Variants in ZNF441 observed in about 807,000 individuals in gnomAD.
ZNF441 encodes the protein zinc finger protein 441.
Under a neutral mutation model 64.5 loss-of-function variants are expected in ZNF441, and 25 were observed. The observed-to-expected ratio is 0.39, with a 90% CI of 0.28 to 0.54. The LOEUF (loss-of-function observed/expected upper bound fraction) is 0.54. Ranked by LOEUF, ZNF441 falls within the 20% of genes least tolerant of loss-of-function variation. ZNF441 has a pLI of 0.70. For synonymous variants in ZNF441, 262 were observed against 268.0 expected (o/e 0.98, Z 0.22); for missense variants, 715 against 843.3 (o/e 0.85, Z 1.88).
chr19:11,777,667 G>A lies in ZNF441; in HGVS notation c.60G>A (p.Leu20=). The A allele has an allele frequency of 6.2e-7, 1 of 1,613,718 alleles. No individual in the cohort carries two copies. The highest frequency in any genetic ancestry group is 8.5e-7 in the Non-Finnish European group (1 of 1,179,740). The change falls in exon 2 of 4, where the codon TTG becomes TTA. Residue 20 remains leucine, a synonymous_variant. Coordinates refer to ENST00000357901, the MANE Select transcript of ZNF441 (RefSeq NM_152355.3). The part of the protein sequence containing the change: ...AINFTCEEWA[L]LGPSQKSLYR... ...ACTTCACCTGTGAGGAGTGGGCTTT[G>A]CTGGGTCCATCACAGAAGAGTCTCT...
rs1975366227 is a variant in ZNF441 at position 11,777,713 on chromosome 19, A to G, written c.106A>G (p.Thr36Ala). The G allele has an allele frequency of 6.2e-7, 1 of 1,612,494 alleles. No homozygotes were observed. Among genetic ancestry groups the G allele is most frequent in the African/African-American group, 1.3e-5 (1 of 74,836 alleles). Residue 36 changes from threonine (T) to alanine (A), a missense_variant, in exon 2 of 4, where the codon ACC becomes GCC. Thr to Ala is a moderately conservative substitution (Grantham distance 58). Coordinates refer to ENST00000357901, the MANE Select transcript of ZNF441 (RefSeq NM_152355.3). ...KSLYRDVMQE[T>A]IRNLDCIGMI... ...TCTCTACAGAGATGTGATGCAGGAA[A>G]CCATCAGAAACCTGGACTGTATAGG...
intron 1 of ZNF441, among the ~76,000 whole-genome samples, chr19:11,774,972 A>G (rs192848284): frequency 8.7e-4 from 132 of 152,364 alleles, no homozygotes; most frequent in African/African-American, 2.9e-3. Flanking sequence ...GCATGTCTGC[A>G]GAGACTGTGT....
In ZNF441 at chr19:11,777,730, C is replaced by A. The variant is rs762952605; in HGVS notation, c.123C>A (p.Asp41Glu). 4 of 1,611,410 alleles carry A rather than the reference C, an allele frequency of 2.5e-6. No individual in the cohort carries two copies. The South Asian group carries it at 4.4e-5, about 18-fold the overall frequency. The change falls in exon 2 of 4, where the codon GAC (aspartate) becomes GAA (glutamate). Residue 41 changes from aspartate (D) to glutamate (E), a missense_variant. Asp to Glu is a conservative substitution (Grantham distance 45). Coordinates refer to ENST00000357901, the MANE Select transcript of ZNF441 (RefSeq NM_152355.3). The part of the protein sequence containing the change: ...DVMQETIRNL[D>E]CIGMIWQNHD... ...TGCAGGAAACCATCAGAAACCTGGACTGTATAGGTAAGGATGTCATCATGT... is the reference window on the plus strand; with the variant it reads ...TGCAGGAAACCATCAGAAACCTGGAATGTATAGGTAAGGATGTCATCATGT...
intron 1 of ZNF441, among the ~76,000 whole-genome samples, chr19:11,776,764 G>A (rs1975357785): frequency 6.6e-6 from 1 of 151,838 alleles, no homozygotes; most frequent in South Asian, 2.1e-4. Flanking sequence ...AATCCCCCAA[G>A]GCACAAGGGT....
At position 11,767,426 on chromosome 19, in the gene ZNF441, AG is replaced by A. The variant is rs1454276974; in HGVS notation, c.3+231del. Among the ~76,000 whole-genome samples, 1 of 152,260 alleles carries A rather than the reference AG, an allele frequency of 6.6e-6. No individual in the cohort carries two copies. On this transcript the variant is annotated intron_variant, in intron 1 of 3. Coordinates refer to ENST00000357901, the MANE Select transcript of ZNF441 (RefSeq NM_152355.3). This position sits in a 1 kb window ranked among gnomAD's most constrained non-coding sequence, Gnocchi z 5.1. ...CCTGGCCCTGGAGGCCTGTCTGGGC[AG>A]CTCCGCGCCCGCAGTCCTGCGTCTC...
Position 11,780,564 on chromosome 19 carries a change from G to A in ZNF441, c.740G>A (p.Ser247Asn), listed in dbSNP as rs1031368092. ...SSTLRHERTH[S>N]GEKPYQCKQC... ...ACTCTAAGACATGAAAGAACACACA[G>A]TGGAGAGAAACCCTATCAATGTAAA... is the stretch of plus-strand genomic sequence containing the variant. The change falls in exon 4 of 4, where the codon AGT (serine) becomes AAT (asparagine). Residue 247 changes from serine to asparagine, a missense_variant. Physicochemically the swap from Ser to Asn is conservative, Grantham distance 46. Transcript: ENST00000357901. The A allele has an allele frequency of 7.4e-6, 12 of 1,614,026 alleles. No homozygotes were observed. The highest frequency in any genetic ancestry group is 6.7e-5 in the Admixed American group (4 of 60,008).
intron 1 of ZNF441, among the ~76,000 whole-genome samples, chr19:11,775,596 T>C (rs1230043374): frequency 6.7e-6 from 1 of 149,220 alleles, no homozygotes; most frequent in Non-Finnish European, 1.5e-5. Context: ...CCCAAAGTGC[T>C]GGGATTACAG....
intron 1 of ZNF441, among the ~76,000 whole-genome samples, chr19:11,771,525 A>G (rs1209341539): frequency 1.3e-5 from 2 of 152,244 alleles, no homozygotes; most frequent in African/African-American, 4.8e-5. Context: ...TTATATATGA[A>G]TATCATTAAT....
At chr19:11,772,966 T>C (rs1262654011) in intron 1 of ZNF441, among the ~76,000 whole-genome samples, 1 of 152,196 alleles carries the variant, frequency 6.6e-6, no homozygotes, top group East Asian at 1.9e-4. Context: ...TAATTTTTTG[T>C]ATTTTTAGTA....
At chr19:11,778,262 A>G in intron 2 of ZNF441, 68 bp from the exon 3 acceptor site, 2 of 1,134,822 alleles carry the variant, frequency 1.8e-6, no homozygotes, top group Non-Finnish European at 2.5e-6. Context: ...TGTAGTGTAC[A>G]TAAAATCTTA....
Position 11,767,801 on chromosome 19 carries a change from C to CA in ZNF441, c.3+606dup, listed in dbSNP as rs1463862096. ...ACTCAGGCGACTCTTGAGCAACTCTCAGAGATCTCATCCCCAAGCACAATG... is the reference window on the plus strand; with the variant it reads ...ACTCAGGCGACTCTTGAGCAACTCTCAAGAGATCTCATCCCCAAGCACAATG... On this transcript the variant is annotated intron_variant, in intron 1 of 3. Coordinates refer to ENST00000357901, the MANE Select transcript of ZNF441 (RefSeq NM_152355.3). The surrounding 1 kb of genome is among the most constrained non-coding windows in gnomAD (Gnocchi z 5.1). Among the ~76,000 whole-genome samples the CA allele has an allele frequency of 1.3e-5, 2 of 152,216 alleles. No individual in the cohort carries two copies. Among genetic ancestry groups the CA allele is most frequent in the Non-Finnish European group, 2.9e-5 (2 of 68,044 alleles).
intron 1 of ZNF441, among the ~76,000 whole-genome samples, chr19:11,774,031 G>T (rs1024445877): frequency 6.6e-6 from 1 of 151,940 alleles, no homozygotes; most frequent in African/African-American, 2.4e-5. Context: ...CATTTTGACT[G>T]AGCATGTATA....
chr19:11,775,752 C>A (rs558325512), intron 1 of ZNF441, among the ~76,000 whole-genome samples: 1 of 151,130 alleles, frequency 6.6e-6, no homozygotes, highest in East Asian at 1.9e-4. Flanking sequence ...CTAAGCCTCT[C>A]GAGTAGCTGG....
intron 1 of ZNF441, among the ~76,000 whole-genome samples, chr19:11,772,937 G>A (rs370447439): frequency 3.3e-4 from 50 of 152,210 alleles, no homozygotes; most frequent in African/African-American, 1.1e-3. Flanking sequence ...AACTACAGGC[G>A]CCTGCCACCA....
At chr19:11,777,526 C>T (rs1975364670) in intron 1 of ZNF441, 85 bp from the exon 2 acceptor site, 4 of 1,467,660 alleles carry the variant, frequency 2.7e-6, no homozygotes, top group African/African-American at 2.8e-5. Flanking sequence ...GAAACCACAG[C>T]ATCATGTGAA....
chr19:11,779,813 G>A (rs799194), intron 3 of ZNF441, among the ~76,000 whole-genome samples: 76,170 of 150,178 alleles, frequency 0.51, 21,535 homozygotes, highest in African/African-American at 0.78. Context: ...TGAGAGGCTG[G>A]GGTGGGAGGA....
chr19:11,770,206 A>G lies in ZNF441; in HGVS notation c.3+3010A>G, dbSNP rs535059497. ...GGAAGGGGAAGCAGGCACTTCTTAC[A>G]TGGTGGCAGGCAAGACAGCATGTGA... On this transcript the variant is annotated intron_variant, in intron 1 of 3. Coordinates refer to ENST00000357901, the MANE Select transcript of ZNF441 (RefSeq NM_152355.3). Among the ~76,000 whole-genome samples, 16 of 152,186 alleles carry G rather than the reference A, an allele frequency of 1.1e-4. No individual in the cohort carries two copies. In the East Asian group the frequency reaches 3.1e-3, roughly 29 times the overall value.
Position 11,777,190 on chromosome 19 carries a change from G to A in ZNF441, c.4-421G>A, listed in dbSNP as rs777761563. ...TTAACCTGGGTAATTTATAAGAAAT[G>A]ATATTTATTTTTTACACTTCTGGAG... is the stretch of plus-strand genomic sequence containing the variant. On this transcript the variant is annotated intron_variant, in intron 1 of 3. Coordinates refer to ENST00000357901, the MANE Select transcript of ZNF441 (RefSeq NM_152355.3). Among the ~76,000 whole-genome samples the A allele has an allele frequency of 8.3e-4, 127 of 152,112 alleles. 1 individual carries two copies. The highest frequency in any genetic ancestry group is 2.6e-3 in the Admixed American group (39 of 15,260).
At chr19:11,779,686 G>T (rs1385653629) in intron 3 of ZNF441, among the ~76,000 whole-genome samples, 1 of 151,780 alleles carries the variant, frequency 6.6e-6, no homozygotes, top group Non-Finnish European at 1.5e-5. Flanking sequence ...GGTAGAGCTT[G>T]CAGTGAGCCG....
Sources: allele counts gnomAD v4.1 joint callset (sites outside exome capture counted in the v4.1 genomes callset), GRCh38; gene constraint gnomAD v4.1.1; non-coding constraint Gnocchi (gnomAD v3.1); transcripts MANE v1.5; gene names NCBI Gene and HGNC (gene_info 2026-07-23, HGNC 2026-07-21).